The following SRSF3 variants were observed in gnomAD, a reference collection of about 807,000 sequenced individuals.
SRSF3 encodes serine and arginine rich splicing factor 3, also known as serine/arginine-rich splicing factor 3.
For synonymous variants in SRSF3, 87 were observed against 73.6 expected (o/e 1.18, Z -0.93); for missense variants, 58 against 217.1 (o/e 0.27, Z 4.61).
intron 2 of SRSF3, 115 bp downstream of exon 2, chr6:36,597,083 G>C: frequency 1.8e-6 from 1 of 559,022 alleles, no homozygotes. Flanking sequence ...TGTATCTTTA[G>C]ATACAATTGG....
intron 3 of SRSF3, chr6:36,600,574 T>G (rs547705976): frequency 1.3e-5 from 2 of 153,068 alleles, no homozygotes; most frequent in African/African-American, 4.8e-5. Context: ...ACTAACAGTT[T>G]CAAAATTTAA....
At position 36,596,804 on chromosome 6, in the gene SRSF3, A is replaced by C. The variant is rs1778637752; in HGVS notation, c.42A>C (p.Val14=). The C allele has an allele frequency of 6.2e-7, 1 of 1,613,916 alleles. No homozygotes were observed. ...DSCPLDCKVY[V]GNLGNNGNKT... ...GTCCATTGGACTGTAAGGTTTATGT[A>C]GGCAATCTTGGAAACAATGGCAACA... Residue 14 remains valine (V), a synonymous_variant, in exon 2 of 6, where the codon GTA becomes GTC. Transcript: ENST00000373715.
chr6:36,601,346 C>A, intron 4 of SRSF3, 156 bp downstream of exon 4: 1 of 720,526 alleles, frequency 1.4e-6, no homozygotes, highest in Non-Finnish European at 2.3e-6. Flanking sequence ...TTTTCAAAGG[C>A]TTTTTAGAAA....
chr6:36,596,419 G>A (rs1308821839), intron 1 of SRSF3, among the ~76,000 whole-genome samples: 2 of 151,950 alleles, frequency 1.3e-5, no homozygotes, highest in Non-Finnish European at 2.9e-5. Flanking sequence ...TTATTTTGGG[G>A]ATTAAATGAA....
At chr6:36,597,880 T>TA (rs1285000408) in intron 2 of SRSF3, among the ~76,000 whole-genome samples, 4 of 151,146 alleles carry the variant, frequency 2.6e-5, no homozygotes, top group Non-Finnish European at 5.9e-5. Context: ...TAAAAAATAA[T>TA]ACAGACGACA....
At chr6:36,599,431 A>T in intron 3 of SRSF3, 1 of 199,534 alleles carries the variant, frequency 5.0e-6, no homozygotes, top group Non-Finnish European at 1.1e-5. Flanking sequence ...GACTAACTTA[A>T]GTCACTGACC....
intron 2 of SRSF3, among the ~76,000 whole-genome samples, chr6:36,597,925 G>T (rs1778659113): frequency 6.6e-6 from 1 of 151,800 alleles, no homozygotes; most frequent in Non-Finnish European, 1.5e-5. Flanking sequence ...AAGCTCCTGG[G>T]CTCAAGCCAT....
intron 3 of SRSF3, 170 bp from the exon 4 acceptor site, chr6:36,600,978 CTTTT>C (rs200592719): frequency 1.6e-5 from 7 of 431,656 alleles, no homozygotes; most frequent in Non-Finnish European, 2.6e-5. Context: ...CCTTCTGTGC[CTTTT>C]TTTTCTTTTC....
chr6:36,604,613 G>A lies in SRSF3; in HGVS notation c.*2624G>A, dbSNP rs768445076. 2 of 168,732 alleles carry A rather than the reference G, an allele frequency of 1.2e-5. No individual in the cohort carries two copies. The highest frequency in any genetic ancestry group is 1.1e-4 in the East Asian group (1 of 8,732). 10.5% of individuals were successfully genotyped at this position (168,732 alleles called of 1,614,324 possible). On this transcript the variant is annotated 3_prime_UTR_variant, in exon 6 of 6. Coordinates refer to ENST00000373715, the MANE Select transcript of SRSF3 (RefSeq NM_003017.5). Reference sequence around the variant, plus strand: ...TCCTTACAAACGTGATCCCGTCAGCGTCCATGACACTCCCACCCTGTTAGA... The same window carrying A: ...TCCTTACAAACGTGATCCCGTCAGCATCCATGACACTCCCACCCTGTTAGA...
chr6:36,597,965 G>A (rs573660313), intron 2 of SRSF3, among the ~76,000 whole-genome samples: 15 of 152,258 alleles, frequency 9.9e-5, no homozygotes, highest in African/African-American at 3.6e-4. Flanking sequence ...TGAGTGCTGG[G>A]ATTACAGGCA....
intron 4 of SRSF3, 48 bp downstream of exon 4, chr6:36,601,238 C>T (rs373030573): frequency 2.1e-5 from 34 of 1,603,302 alleles, no homozygotes; most frequent in Non-Finnish European, 2.7e-5. Context: ...GGCAGTGTTT[C>T]TGCTATTCCT....
intron 1 of SRSF3, among the ~76,000 whole-genome samples, chr6:36,595,300 C>A (rs1374206524): frequency 2.0e-5 from 3 of 152,036 alleles, no homozygotes; most frequent in African/African-American, 7.2e-5. Flanking sequence ...CAAGGAAGAA[C>A]AAAAAAATAA....
chr6:36,601,073 G>C, intron 3 of SRSF3, 79 bp from the exon 4 acceptor site: 1 of 1,097,036 alleles, frequency 9.1e-7, no homozygotes. Context: ...GCCCAACAGT[G>C]AGATTGAAAA....
chr6:36,601,093 T>C, intron 3 of SRSF3, 59 bp from the exon 4 acceptor site: 1 of 1,447,254 alleles, frequency 6.9e-7, no homozygotes, highest in South Asian at 1.2e-5. Context: ...AGTTGGGAAA[T>C]GCCTCACGCC....
Position 36,602,091 on chromosome 6 carries a change from A to C in SRSF3, c.*102A>C. On this transcript the variant is annotated 3_prime_UTR_variant, in exon 6 of 6. Transcript: ENST00000373715. ...GTTTGAGACTTCATAAGCTTGGTGC[A>C]TTTTTAAGATGTTTTAGCTGTTCAA... 2 of 1,537,472 alleles carry C rather than the reference A, an allele frequency of 1.3e-6. No homozygotes were observed. The highest frequency in any genetic ancestry group is 8.7e-7 in the Non-Finnish European group (1 of 1,149,016).
In SRSF3 at chr6:36,603,191, A is replaced by T. The variant is rs1778748567; in HGVS notation, c.*1202A>T. The T allele has an allele frequency of 1.3e-5, 3 of 225,026 alleles. No homozygotes were observed. The East Asian group carries it at 1.9e-4, about 15-fold the overall frequency. The allele number at this position is 225,026 out of a possible 1,614,324, so 13.9% of individuals were successfully genotyped here. ...AACACAAAGTAAGTTGCCCATTAAC[A>T]AATGGCTTTTATCTTTAGCATGAAA... On this transcript the variant is annotated 3_prime_UTR_variant, in exon 6 of 6. Coordinates refer to ENST00000373715, the MANE Select transcript of SRSF3 (RefSeq NM_003017.5).
At chr6:36,595,932 G>GT (rs3834290) in intron 1 of SRSF3, among the ~76,000 whole-genome samples, 31,720 of 150,836 alleles carry the variant, frequency 0.21, 3,570 homozygotes, top group East Asian at 0.38. Context: ...TTTATTTGTG[G>GT]TTTTTTTTTG....
chr6:36,601,025 TTG>T, intron 3 of SRSF3, 125 bp from the exon 4 acceptor site: 1 of 349,116 alleles, frequency 2.9e-6, no homozygotes, highest in Non-Finnish European at 5.0e-6. Flanking sequence ...TTTTTTTTTT[TTG>T]GACGATGGGT....
chr6:36,598,752 G>GT, intron 2 of SRSF3, 97 bp from the exon 3 acceptor site: 5 of 1,372,232 alleles, frequency 3.6e-6, no homozygotes, highest in Non-Finnish European at 5.0e-6. Flanking sequence ...ACACTTAGGT[G>GT]TGTTCTTTGC....
Sources: gnomAD v4.1 joint callset for allele counts (sites outside exome capture counted in the v4.1 genomes callset) on GRCh38, gnomAD v4.1.1 for gene constraint, MANE v1.5 for transcripts, NCBI Gene and HGNC (gene_info 2026-07-23, HGNC 2026-07-21) for gene names.